The following CNTN3 variants were observed in gnomAD, a reference collection of about 807,000 sequenced individuals.
CNTN3 encodes the protein contactin 3, also known as contactin-3.
Under a neutral mutation model 119.1 loss-of-function variants are expected in CNTN3, and 60 were observed. That is an observed-to-expected ratio of 0.50 (90% CI 0.41 to 0.62). CNTN3 has a LOEUF of 0.62. CNTN3 is among the 20% of genes least tolerant of loss of function. The pLI, the probability that CNTN3 is intolerant of heterozygous loss-of-function variation, is 0.00. For missense variants in CNTN3, 1,101 were observed against 1,242.4 expected, an observed-to-expected ratio of 0.89 and a Z score of 1.71; for synonymous variants, 450 against 438.7, an observed-to-expected ratio of 1.03 and a Z score of -0.32.
At chr3:74,495,971 G>C (rs2107068750) in intron 3 of CNTN3, among the ~76,000 whole-genome samples, 1 of 152,174 alleles carries the variant, frequency 6.6e-6, no homozygotes, top group African/African-American at 2.4e-5. Flanking sequence ...GGGTCGACCT[G>C]AAACATTCTG....
chr3:74,297,895 A>C lies in CNTN3; in HGVS notation c.2401+62T>G, dbSNP rs370388467. ...TGAAGTCAAAACGAGACTCCAAATC[A>C]GTTTTTGGAGCACAAATAATTATTA... On this transcript the variant is annotated intron_variant, in intron 18 of 22. Transcript: ENST00000263665. 3.1e-6 allele frequency: 4 copies of C among 1,283,220 alleles called. No individual in the cohort carries two copies. In the East Asian group the frequency reaches 9.4e-5, roughly 30 times the overall value. The allele number at this position is 1,283,220 out of a possible 1,614,324, so 79.5% of individuals were successfully genotyped here. A position where few individuals can be genotyped will look rare whatever the true frequency, so the allele number is the denominator to read the frequency against.
chr3:74,499,773 A>G lies in CNTN3; in HGVS notation c.68T>C (p.Leu23Ser). 6.2e-7 allele frequency: 1 copy of G among 1,605,362 alleles called. No individual in the cohort carries two copies. Among genetic ancestry groups the G allele is most frequent in the Non-Finnish European group, 8.5e-7 (1 of 1,176,674 alleles). Residue 23 changes from leucine (L) to serine (S), a missense_variant, in exon 3 of 23, where the codon TTA becomes TCA. Transcript: ENST00000263665. Reference protein sequence around the residue: ...FIGCLGGELLLQGPVFIKEPS... With the variant: ...FIGCLGGELLSQGPVFIKEPS... ...TTCTTTGATAAATACAGGGCCTTGT[A>G]AGAGAAGCTCACCTATATGGGTGGG...
intron 3 of CNTN3, among the ~76,000 whole-genome samples, chr3:74,498,975 A>G (rs576527075): frequency 7.9e-5 from 12 of 151,950 alleles, no homozygotes; most frequent in Admixed American, 2.6e-4. Flanking sequence ...GGGTTATTTA[A>G]TAATACAAAT....
At chr3:74,549,754 G>A (rs1448354161) in intron 1 of CNTN3, among the ~76,000 whole-genome samples, 2 of 152,188 alleles carry the variant, frequency 1.3e-5, no homozygotes, top group Non-Finnish European at 2.9e-5. Context: ...TTAAGGTGGT[G>A]TGCAAGTGAC....
intron 5 of CNTN3, among the ~76,000 whole-genome samples, chr3:74,410,236 T>TG (rs1369252877): frequency 6.6e-6 from 1 of 152,168 alleles, no homozygotes; most frequent in Non-Finnish European, 1.5e-5. Context: ...GTCCAACCCC[T>TG]GCCCTCTGCC....
At chr3:74,550,870 A>G (rs1703980048) in intron 1 of CNTN3, among the ~76,000 whole-genome samples, 1 of 152,160 alleles carries the variant, frequency 6.6e-6, no homozygotes, top group Non-Finnish European at 1.5e-5. Context: ...CAGCCTCCAT[A>G]GGGCTGGCAA....
chr3:74,428,265 A>C (rs1701728480), intron 4 of CNTN3, among the ~76,000 whole-genome samples: 1 of 152,030 alleles, frequency 6.6e-6, no homozygotes, highest in Non-Finnish European at 1.5e-5. Context: ...ACTTCTATAA[A>C]TTGAAAAAAA....
intron 1 of CNTN3, among the ~76,000 whole-genome samples, chr3:74,552,756 A>G (rs959065534): frequency 4.6e-5 from 7 of 150,906 alleles, no homozygotes; most frequent in African/African-American, 1.7e-4. Context: ...CGCTGTCCTT[A>G]TGATAGTGAG....
At chr3:74,524,997 T>C (rs955590749) in intron 1 of CNTN3, among the ~76,000 whole-genome samples, 1 of 151,834 alleles carries the variant, frequency 6.6e-6, no homozygotes, top group Non-Finnish European at 1.5e-5. Flanking sequence ...GGGGTCAATC[T>C]TGTATGTCTG....
At chr3:74,502,562 T>G (rs1249056370) in intron 2 of CNTN3, among the ~76,000 whole-genome samples, 1 of 152,122 alleles carries the variant, frequency 6.6e-6, no homozygotes, top group African/African-American at 2.4e-5. Context: ...ATTTACATCC[T>G]TTGCTTCTCC....
At chr3:74,505,647 A>G (rs1409046036) in intron 2 of CNTN3, among the ~76,000 whole-genome samples, 1 of 152,074 alleles carries the variant, frequency 6.6e-6, no homozygotes, top group Non-Finnish European at 1.5e-5. Flanking sequence ...CCTCTAATGC[A>G]TTTTGTCACC....
At chr3:74,460,016 G>A (rs913522887) in intron 4 of CNTN3, among the ~76,000 whole-genome samples, 1 of 151,894 alleles carries the variant, frequency 6.6e-6, no homozygotes, top group Non-Finnish European at 1.5e-5. Flanking sequence ...GTTGAAAAGG[G>A]TACCCTTCCT....
At chr3:74,414,671 A>T (rs1283184829) in intron 5 of CNTN3, among the ~76,000 whole-genome samples, 1 of 152,078 alleles carries the variant, frequency 6.6e-6, no homozygotes, top group East Asian at 1.9e-4. Context: ...GACCAAAAAC[A>T]CTTGATTTGG....
Position 74,521,178 on chromosome 3 carries a change from G to T in CNTN3, c.-66C>A, listed in dbSNP as rs1197775115. On this transcript the variant is annotated 5_prime_UTR_variant, in exon 2 of 23. In the 5' UTR this introduces an upstream ATG that the reference lacks. Coordinates refer to ENST00000263665, the MANE Select transcript of CNTN3 (RefSeq NM_020872.3). ...TGATGAATAGAATGCTTTCTCTTCA[G>T]GTAAATCCTTTAATCTGTAAAATAT... is the stretch of plus-strand genomic sequence containing the variant. 2 of 827,370 alleles carry T rather than the reference G, an allele frequency of 2.4e-6. No homozygotes were observed. Among genetic ancestry groups the T allele is most frequent in the African/African-American group, 1.8e-5 (1 of 55,260 alleles). 51.3% of individuals were successfully genotyped at this position (827,370 alleles called of 1,614,324 possible).
intron 1 of CNTN3, among the ~76,000 whole-genome samples, chr3:74,565,423 A>C (rs1377880441): frequency 6.6e-6 from 1 of 152,158 alleles, no homozygotes; most frequent in African/African-American, 2.4e-5. Context: ...CTCTCTTAGA[A>C]GGTCCCTTGT....
chr3:74,340,502 T>C (rs1339030715), intron 11 of CNTN3, among the ~76,000 whole-genome samples: 1 of 152,092 alleles, frequency 6.6e-6, no homozygotes, highest in Non-Finnish European at 1.5e-5. Flanking sequence ...ATCTGATCGC[T>C]AATCCCATCA....
At position 74,539,082 on chromosome 3, in the gene CNTN3, G is replaced by A. The variant is rs79211093; in HGVS notation, c.-80-17890C>T. ...AAAAAGAAAGCCTCCCATTAATTTC[G>A]ATATATGCTAAGATATTTTCTTTCC... On this transcript the variant is annotated intron_variant, in intron 1 of 22. Coordinates refer to ENST00000263665, the MANE Select transcript of CNTN3 (RefSeq NM_020872.3). Among the ~76,000 whole-genome samples, 177 of 151,836 alleles carry A rather than the reference G, an allele frequency of 1.2e-3. 1 individual carries two copies. In the East Asian group the frequency reaches 0.018, roughly 15 times the overall value.
At chr3:74,316,818 C>T (rs549940374) in intron 13 of CNTN3, among the ~76,000 whole-genome samples, 5 of 151,786 alleles carry the variant, frequency 3.3e-5, no homozygotes, top group Non-Finnish European at 5.9e-5. Flanking sequence ...GTCCCAGCTA[C>T]TCGGGAGGCT....
intron 19 of CNTN3, among the ~76,000 whole-genome samples, chr3:74,290,267 C>A (rs1235384267): frequency 5.3e-5 from 8 of 152,166 alleles, no homozygotes; most frequent in Admixed American, 2.0e-4. Context: ...ACCTGTACAG[C>A]ATGTTACTGT....
Sources: gnomAD v4.1 joint callset for allele counts (sites outside exome capture counted in the v4.1 genomes callset) on GRCh38, gnomAD v4.1.1 for gene constraint, MANE v1.5 for transcripts, NCBI Gene and HGNC (gene_info 2026-07-23, HGNC 2026-07-21) for gene names.